CHD9: variants seen among roughly 807,000 people sequenced by gnomAD.
CHD9 encodes the protein ATP-dependent chromatin remodeler CHD9.
CHD9 carries 77 observed loss-of-function variants against 316.1 expected under a neutral mutation model. The ratio of observed to expected loss-of-function variants is 0.24; its 90% confidence interval spans 0.20 to 0.29. The LOEUF is 0.29. Among genes scored for constraint, CHD9 ranks in the 10% least tolerant of loss-of-function variants. CHD9 has a pLI of 1.00. For synonymous variants in CHD9, 1,129 were observed against 1,158.3 expected, an observed-to-expected ratio of 0.97 and a Z score of 0.51; for missense variants, 2,763 against 3,438.1, an observed-to-expected ratio of 0.80 and a Z score of 4.91.
intron 12 of CHD9, among the ~76,000 whole-genome samples, chr16:53,238,831 T>A (rs2048843427): frequency 6.6e-6 from 1 of 152,130 alleles, no homozygotes; most frequent in Non-Finnish European, 1.5e-5. Context: ...ATGCACGAGT[T>A]TCATTGTAAT....
chr16:53,172,154 C>G (rs2042805015), intron 2 of CHD9, among the ~76,000 whole-genome samples: 1 of 151,998 alleles, frequency 6.6e-6, no homozygotes, highest in Non-Finnish European at 1.5e-5. Flanking sequence ...ACTCATTACC[C>G]CCAAAAGTTC....
intron 29 of CHD9, among the ~76,000 whole-genome samples, chr16:53,293,656 G>C (rs73606093): frequency 0.033 from 4,931 of 148,850 alleles, 100 homozygotes; most frequent in Middle Eastern, 0.081. Flanking sequence ...GCAAACTCAT[G>C]AATTGAATCA....
chr16:53,317,615 CA>C (rs111850408), intron 36 of CHD9, among the ~76,000 whole-genome samples: 13 of 152,232 alleles, frequency 8.5e-5, no homozygotes, highest in African/African-American at 3.1e-4. Flanking sequence ...ATCTCAGCCC[CA>C]ACAAATACCT....
At chr16:53,152,403 T>A (rs1393028012) in intron 1 of CHD9, among the ~76,000 whole-genome samples, 1 of 152,172 alleles carries the variant, frequency 6.6e-6, no homozygotes, top group African/African-American at 2.4e-5. Context: ...TTTGGAGCTG[T>A]CTAGTCTGTC....
chr16:53,236,528 T>C (rs1024443380), intron 11 of CHD9, among the ~76,000 whole-genome samples: 2 of 151,952 alleles, frequency 1.3e-5, no homozygotes, highest in Non-Finnish European at 2.9e-5. Context: ...ATCCCTTCAG[T>C]CTATGAACAA....
chr16:53,301,770 T>C (rs1025796566), intron 30 of CHD9, among the ~76,000 whole-genome samples: 3 of 147,564 alleles, frequency 2.0e-5, no homozygotes, highest in African/African-American at 7.4e-5. Context: ...TTTTTTTCTT[T>C]TTTTTTTTTT....
intron 2 of CHD9, among the ~76,000 whole-genome samples, chr16:53,203,206 A>G (rs1279724966): frequency 6.6e-6 from 1 of 152,228 alleles, no homozygotes; most frequent in African/African-American, 2.4e-5. Context: ...AAAAACCAGT[A>G]CACCAGCTTA....
At chr16:53,123,119 T>C (rs1252497224) in intron 1 of CHD9, among the ~76,000 whole-genome samples, 1 of 151,300 alleles carries the variant, frequency 6.6e-6, no homozygotes, top group Non-Finnish European at 1.5e-5. Flanking sequence ...TGCCCTGGCC[T>C]CCCAAAGTGC....
intron 1 of CHD9, among the ~76,000 whole-genome samples, chr16:53,074,608 G>A (rs775263667): frequency 1.2e-4 from 18 of 152,312 alleles, no homozygotes; most frequent in Middle Eastern, 3.4e-3. Flanking sequence ...CACTCCAGCC[G>A]TGGGTGAAAG....
At chr16:53,093,096 T>A (rs891318740) in intron 1 of CHD9, among the ~76,000 whole-genome samples, 2 of 152,210 alleles carry the variant, frequency 1.3e-5, no homozygotes, top group Non-Finnish European at 2.9e-5. Context: ...CACTTTAATA[T>A]TGGATTCTTG....
chr16:53,209,438 A>T, intron 2 of CHD9, 44 bp from the exon 3 acceptor site: 1 of 1,255,748 alleles, frequency 8.0e-7, no homozygotes, highest in Non-Finnish European at 1.1e-6. Flanking sequence ...ATTGTTTTAG[A>T]TGTACTTTGG....
intron 1 of CHD9, among the ~76,000 whole-genome samples, chr16:53,127,749 C>T (rs756114853): frequency 2.0e-5 from 3 of 151,850 alleles, no homozygotes; most frequent in Non-Finnish European, 4.4e-5. Flanking sequence ...GGTGAAACCC[C>T]GTCTCTGCTA....
At chr16:53,215,396 T>C (rs1198434449) in intron 3 of CHD9, among the ~76,000 whole-genome samples, 1 of 152,230 alleles carries the variant, frequency 6.6e-6, no homozygotes, top group Non-Finnish European at 1.5e-5. Context: ...CAAAAGCTTA[T>C]AATACAATGT....
intron 1 of CHD9, among the ~76,000 whole-genome samples, chr16:53,087,961 A>G (rs1202212637): frequency 6.6e-6 from 1 of 152,060 alleles, no homozygotes; most frequent in East Asian, 1.9e-4. Flanking sequence ...AAAAAAAAAA[A>G]ATAGAAATCC....
At chr16:53,071,373 A>G (rs748768826) in intron 1 of CHD9, among the ~76,000 whole-genome samples, 1 of 152,162 alleles carries the variant, frequency 6.6e-6, no homozygotes, top group African/African-American at 2.4e-5. Context: ...TTATATAGAC[A>G]ATGACAGTGT....
chr16:53,190,341 A>G (rs894671092), intron 2 of CHD9, among the ~76,000 whole-genome samples: 1 of 152,040 alleles, frequency 6.6e-6, no homozygotes, highest in Non-Finnish European at 1.5e-5. Context: ...TAGTTTTGCT[A>G]CCCAATCCAT....
intron 37 of CHD9, chr16:53,321,292 T>C: frequency 7.4e-7 from 1 of 1,348,760 alleles, no homozygotes; most frequent in Non-Finnish European, 9.6e-7. Flanking sequence ...TTCATTTTAC[T>C]GTTCTAGTTA....
In CHD9 at chr16:53,256,661, T is replaced by C. The variant is rs527428076; in HGVS notation, c.4209+882T>C. ...CTTTCTCTCTCCTTTTTTTTTTTTT[T>C]CCAAATCAAGACATGATAAACTTAC... On this transcript the variant is annotated intron_variant, in intron 19 of 38. Coordinates refer to ENST00000447540, the MANE Select transcript of CHD9 (RefSeq NM_001308319.2). Among the ~76,000 whole-genome samples, 22 of 145,988 alleles carry C rather than the reference T, an allele frequency of 1.5e-4. No homozygotes were observed. In the East Asian group the frequency reaches 2.4e-3, roughly 16 times the overall value.
At chr16:53,131,325 C>A in intron 1 of CHD9, 1 of 156,376 alleles carries the variant, frequency 6.4e-6, no homozygotes, top group Non-Finnish European at 1.3e-5. Flanking sequence ...GCCGCCGCCG[C>A]CGCCGCCGCT....
Sources: allele counts gnomAD v4.1 joint callset (sites outside exome capture counted in the v4.1 genomes callset), GRCh38; gene constraint gnomAD v4.1.1; transcripts MANE v1.5; gene names NCBI Gene and HGNC (gene_info 2026-07-23, HGNC 2026-07-21).